The following EPHA7 variants were observed in gnomAD, a reference collection of about 807,000 sequenced individuals.
The protein encoded by EPHA7 is EPH receptor A7.
A neutral mutation model predicts 112.6 loss-of-function variants in EPHA7; 25 were observed. The observed-to-expected ratio is 0.22, with a 90% CI of 0.16 to 0.31. EPHA7 has a LOEUF of 0.31. EPHA7 is among the 10% of genes least tolerant of loss of function. The pLI is 1.00. For missense variants in EPHA7, 962 were observed against 1,212.6 expected (o/e 0.79, Z 3.07); for synonymous variants, 437 against 406.5 (o/e 1.07, Z -0.90).
chr6:93,413,009 C>A (rs1300276640), intron 2 of EPHA7, among the ~76,000 whole-genome samples: 1 of 151,882 alleles, frequency 6.6e-6, no homozygotes, highest in Non-Finnish European at 1.5e-5. Flanking sequence ...AACATTGAGA[C>A]TACATAAATT....
chr6:93,293,262 A>T (rs1170681870), intron 5 of EPHA7, among the ~76,000 whole-genome samples: 1 of 151,938 alleles, frequency 6.6e-6, no homozygotes, highest in Non-Finnish European at 1.5e-5. Context: ...TTTAAAATTT[A>T]AAACAATCAA....
intron 3 of EPHA7, among the ~76,000 whole-genome samples, chr6:93,392,458 A>G (rs1385710490): frequency 6.6e-6 from 1 of 152,046 alleles, no homozygotes; most frequent in Admixed American, 6.6e-5. Flanking sequence ...AGAAAAAAAC[A>G]GCAAATTCCA....
chr6:93,349,919 G>C (rs1253787915), intron 5 of EPHA7, among the ~76,000 whole-genome samples: 1 of 151,838 alleles, frequency 6.6e-6, no homozygotes, highest in African/African-American at 2.4e-5. Context: ...TAAAGAAAAT[G>C]ATTGTTGGTT....
At chr6:93,332,346 T>C (rs919847513) in intron 5 of EPHA7, among the ~76,000 whole-genome samples, 1 of 151,634 alleles carries the variant, frequency 6.6e-6, no homozygotes, top group Non-Finnish European at 1.5e-5. Context: ...TATAACTCTT[T>C]TCACCCCAAC....
At chr6:93,313,103 G>A (rs1025061001) in intron 5 of EPHA7, among the ~76,000 whole-genome samples, 1 of 151,932 alleles carries the variant, frequency 6.6e-6, no homozygotes, top group African/African-American at 2.4e-5. Context: ...GAGACACAAC[G>A]TAAGCACATG....
chr6:93,357,042 A>G lies in EPHA7; in HGVS notation c.999T>C (p.Ser333=), dbSNP rs751299040. 1 of 1,610,210 alleles carries G rather than the reference A, an allele frequency of 6.2e-7. No individual in the cohort carries two copies. The highest frequency in any genetic ancestry group is 8.5e-7 in the Non-Finnish European group (1 of 1,178,164). The part of the protein sequence containing the change: ...PPYVACTRPP[S]APQNLIFNIN... ...TGTTGAAAATGAGGTTCTGTGGTGC[A>G]GATGGAGGCCCTTGGGAAACCAAGA... The change falls in exon 5 of 17, where the codon TCT becomes TCC. Residue 333 remains serine (S), a synonymous_variant. Coordinates refer to ENST00000369303, the MANE Select transcript of EPHA7 (RefSeq NM_004440.4).
chr6:93,285,219 A>G (rs541245025), intron 5 of EPHA7, among the ~76,000 whole-genome samples: 1 of 152,320 alleles, frequency 6.6e-6, no homozygotes, highest in African/African-American at 2.4e-5. Flanking sequence ...CTTCTATTTT[A>G]AAGTTGTTGT....
chr6:93,313,220 G>C (rs894349588), intron 5 of EPHA7, among the ~76,000 whole-genome samples: 31 of 152,160 alleles, frequency 2.0e-4, no homozygotes, highest in Non-Finnish European at 4.3e-4. Context: ...AGGTATGTCT[G>C]TAGTGGTAGA....
chr6:93,283,585 G>T (rs140098884), intron 5 of EPHA7, among the ~76,000 whole-genome samples: 1 of 151,724 alleles, frequency 6.6e-6, no homozygotes, highest in Non-Finnish European at 1.5e-5. Context: ...AACAACTCCA[G>T]ACGCACTGCC....
intron 3 of EPHA7, among the ~76,000 whole-genome samples, chr6:93,380,979 C>G (rs1777306709): frequency 6.6e-6 from 1 of 152,134 alleles, no homozygotes; most frequent in Non-Finnish European, 1.5e-5. Flanking sequence ...CAGACGGTGA[C>G]TGCCTTGTTT....
At chr6:93,408,687 A>G (rs1334040666) in intron 3 of EPHA7, among the ~76,000 whole-genome samples, 2 of 152,146 alleles carry the variant, frequency 1.3e-5, no homozygotes, top group Non-Finnish European at 2.9e-5. Flanking sequence ...AATTGAGTGC[A>G]GAGCCATAGG....
intron 3 of EPHA7, chr6:93,409,555 T>C (rs1778875122): frequency 6.6e-6 from 1 of 152,012 alleles, no homozygotes. Context: ...GAATTCCAAG[T>C]ATAAAACCTG....
At chr6:93,258,390 T>G (rs1161562129) in intron 10 of EPHA7, 106 bp from the exon 11 acceptor site, 2 of 1,170,416 alleles carry the variant, frequency 1.7e-6, no homozygotes, top group Non-Finnish European at 1.2e-6. Context: ...GTAAATTATT[T>G]GAAAGCATTT....
chr6:93,341,349 T>C (rs922672634), intron 5 of EPHA7, among the ~76,000 whole-genome samples: 1 of 151,490 alleles, frequency 6.6e-6, no homozygotes, highest in Non-Finnish European at 1.5e-5. Flanking sequence ...AAAATAAGAC[T>C]ACAACAGAAG....
chr6:93,268,767 G>A (rs1323530376), intron 7 of EPHA7, among the ~76,000 whole-genome samples: 1 of 151,668 alleles, frequency 6.6e-6, no homozygotes, highest in African/African-American at 2.4e-5. Flanking sequence ...ATATACACAT[G>A]CATTTTTACT....
chr6:93,325,966 T>A (rs959517098), intron 5 of EPHA7, among the ~76,000 whole-genome samples: 1 of 151,316 alleles, frequency 6.6e-6, no homozygotes, highest in African/African-American at 2.4e-5. Context: ...GAGAAAAAAA[T>A]GACACAACAT....
Position 93,256,046 on chromosome 6 carries a change from A to T in EPHA7, c.2173-9T>A. On this transcript the variant is annotated splice_polypyrimidine_tract_variant and intron_variant, in intron 12 of 16. Coordinates refer to ENST00000369303, the MANE Select transcript of EPHA7 (RefSeq NM_004440.4). ...AATTGCCCATCATGTTTCTGCAGGA[A>T]GACAAAAATAAAAGCCCAGTTAACT... 2 of 1,613,590 alleles carry T rather than the reference A, an allele frequency of 1.2e-6. No individual in the cohort carries two copies. The highest frequency in any genetic ancestry group is 1.7e-5 in the Admixed American group (1 of 59,980).
At chr6:93,279,051 G>A (rs1029250376) in intron 5 of EPHA7, among the ~76,000 whole-genome samples, 8 of 152,052 alleles carry the variant, frequency 5.3e-5, no homozygotes, top group African/African-American at 1.9e-4. Context: ...ATTAAGCTGA[G>A]CAGAGATTTT....
intron 9 of EPHA7, chr6:93,260,385 A>T: frequency 2.9e-6 from 1 of 341,948 alleles, no homozygotes; most frequent in Non-Finnish European, 4.1e-6. Flanking sequence ...ATTCAATTAC[A>T]ATAATGTATT....
Sources: gnomAD v4.1 joint callset for allele counts (sites outside exome capture counted in the v4.1 genomes callset) on GRCh38, gnomAD v4.1.1 for gene constraint, MANE v1.5 for transcripts, NCBI Gene and HGNC (gene_info 2026-07-23, HGNC 2026-07-21) for gene names.